The following TRMU variants were observed in gnomAD, a reference collection of about 807,000 sequenced individuals.
TRMU encodes tRNA mitochondrial 2-thiouridylase, also known as mitochondrial tRNA-specific 2-thiouridylase 1.
A neutral mutation model predicts 46.9 loss-of-function variants in TRMU; 49 were observed. The ratio of observed to expected loss-of-function variants is 1.05; its 90% CI spans 0.83 to 1.33. The LOEUF is 1.33. Ranked by LOEUF, TRMU falls within the 40% of genes most tolerant of loss-of-function variation. The pLI is 0.00. For synonymous variants in TRMU, 241 were observed against 200.9 expected, an observed-to-expected ratio of 1.20 and a Z score of -1.69; for missense variants, 572 against 532.4, an observed-to-expected ratio of 1.07 and a Z score of -0.73.
rs2078403481 is a variant in TRMU at position 46,350,964 on chromosome 22, C to T, written c.651+501C>T. ...TCCATCTTCGCCTCCATGGAGCCCGCCCGCGAGTGGGGGACACAGGCAGGA... is the reference window on the plus strand; with the variant it reads ...TCCATCTTCGCCTCCATGGAGCCCGTCCGCGAGTGGGGGACACAGGCAGGA... On this transcript the variant is annotated intron_variant, in intron 5 of 10. Coordinates refer to ENST00000645190, the MANE Select transcript of TRMU (RefSeq NM_018006.5). This position sits in a 1 kb window ranked among gnomAD's most constrained non-coding sequence, Gnocchi z 4.6. Among the ~76,000 whole-genome samples the T allele has an allele frequency of 6.6e-6, 1 of 152,226 alleles. No homozygotes were observed. Among genetic ancestry groups the T allele is most frequent in the Admixed American group, 6.5e-5 (1 of 15,286 alleles).
At position 46,335,752 on chromosome 22, in the gene TRMU, G is replaced by C; in HGVS notation, c.-13G>C. 6.5e-7 allele frequency: 1 copy of C among 1,549,548 alleles called. No homozygotes were observed. Among genetic ancestry groups the C allele is most frequent in the Non-Finnish European group, 8.7e-7 (1 of 1,150,946 alleles). On this transcript the variant is annotated 5_prime_UTR_variant, in exon 1 of 11. Coordinates refer to ENST00000645190, the MANE Select transcript of TRMU (RefSeq NM_018006.5). ...GGCGGTAGCTGCAGCTGGCGAAGTT[G>C]GGCGACTGGCGGATGCAGGCCTTGC... is the stretch of plus-strand genomic sequence containing the variant.
In TRMU at chr22:46,343,166, G is replaced by C. The variant is rs933823439; in HGVS notation, c.249-96G>C. 1.4e-5 allele frequency: 12 copies of C among 862,656 alleles called. No homozygotes were observed. The African/African-American group carries it at 2.7e-4, about 19-fold the overall frequency. The allele number at this position is 862,656 out of a possible 1,614,324, so 53.4% of individuals were successfully genotyped here. A position where few individuals can be genotyped will look rare whatever the true frequency, so the allele number is the denominator to read the frequency against. Reference sequence around the variant, plus strand: ...GAAAATTATAGTTTTGGTATGACAAGGGGAAATTACATTAAACAAGCAATT... The same window carrying C: ...GAAAATTATAGTTTTGGTATGACAACGGGAAATTACATTAAACAAGCAATT... On this transcript the variant is annotated intron_variant, in intron 2 of 10. Transcript: ENST00000645190.
Position 46,350,406 on chromosome 22 carries a change from G to A in TRMU, c.594G>A (p.Glu198=). 6.2e-7 allele frequency: 1 copy of A among 1,614,194 alleles called. No individual in the cohort carries two copies. The change falls in exon 5 of 11, where the codon GAG becomes GAA. Residue 198 remains glutamate, a synonymous_variant. Transcript: ENST00000645190. The surrounding 1 kb of genome is among the most constrained non-coding windows in gnomAD (Gnocchi z 4.6). ...TIFPLGGLTK[E]FVKKIAAENR... Reference sequence around the variant, plus strand: ...TCCCTCTGGGGGGATTAACGAAAGAGTTTGTAAAGAAAATCGCTGCTGAGA... The same window carrying A: ...TCCCTCTGGGGGGATTAACGAAAGAATTTGTAAAGAAAATCGCTGCTGAGA...
Position 46,357,173 on chromosome 22 carries a change from C to A in TRMU, c.*167C>A. 1 of 900,910 alleles carries A rather than the reference C, an allele frequency of 1.1e-6. No individual in the cohort carries two copies. Among genetic ancestry groups the A allele is most frequent in the Non-Finnish European group, 1.7e-6 (1 of 581,862 alleles). The allele number at this position is 900,910 out of a possible 1,614,324, so 55.8% of individuals were successfully genotyped here. ...GGGGCCCGGCGAGCCCCAGGAAGAG[C>A]CTCAGCTCCAGGCTGGGGCTCTGGC... On this transcript the variant is annotated 3_prime_UTR_variant, in exon 11 of 11. Transcript: ENST00000645190.
At position 46,356,865 on chromosome 22, in the gene TRMU, C is replaced by A. The variant is rs779022860; in HGVS notation, c.1125C>A (p.Asp375Glu). The A allele has an allele frequency of 6.2e-7, 1 of 1,613,382 alleles. No individual in the cohort carries two copies. The highest frequency in any genetic ancestry group is 8.5e-7 in the Non-Finnish European group (1 of 1,179,936). Residue 375 changes from aspartate (D) to glutamate (E), a missense_variant, in exon 11 of 11, where the codon GAC (aspartate) becomes GAA (glutamate). Physicochemically the swap from Asp to Glu is conservative, Grantham distance 45. Transcript: ENST00000645190. ...TGQFAVFYKG[D>E]ECLGSGKILR... ...AGTTTGCTGTGTTCTACAAGGGGGA[C>A]GAGTGCCTGGGCAGCGGGAAGATCC...
intron 9 of TRMU, 200 bp from the exon 10 acceptor site, chr22:46,355,790 G>A: frequency 9.4e-7 from 1 of 1,060,412 alleles, no homozygotes. Flanking sequence ...ATGCAGGCAG[G>A]CCCCGGCGTG....
At chr22:46,352,808 G>A (rs963403181) in intron 7 of TRMU, 5 of 283,930 alleles carry the variant, frequency 1.8e-5, no homozygotes, top group East Asian at 8.3e-5. Context: ...TGAGGCCTGC[G>A]TGAGCCTGTG....
At chr22:46,343,446 T>G in intron 3 of TRMU, 78 bp downstream of exon 3, 1 of 1,099,154 alleles carries the variant, frequency 9.1e-7, no homozygotes. Flanking sequence ...ATTGCAGTGG[T>G]GCGATCATGA....
intron 3 of TRMU, among the ~76,000 whole-genome samples, chr22:46,345,995 T>C (rs999675109): frequency 6.6e-6 from 1 of 152,150 alleles, no homozygotes; most frequent in African/African-American, 2.4e-5. Context: ...CTTGAACTCC[T>C]GAGCACAAGC....
intron 2 of TRMU, among the ~76,000 whole-genome samples, chr22:46,340,665 G>C (rs1347408120): frequency 1.6e-5 from 2 of 121,502 alleles, no homozygotes; most frequent in Non-Finnish European, 3.5e-5. Flanking sequence ...CCAGAATTAG[G>C]AGCGGAGCTG....
rs1337909419 is a variant in TRMU, at chr22:46,347,825, C to T, written c.478+1281C>T. Among the ~76,000 whole-genome samples the T allele has an allele frequency of 6.6e-6, 1 of 152,230 alleles. No individual in the cohort carries two copies. Among genetic ancestry groups the T allele is most frequent in the East Asian group, 1.9e-4 (1 of 5,198 alleles). On this transcript the variant is annotated intron_variant, in intron 4 of 10. Coordinates refer to ENST00000645190, the MANE Select transcript of TRMU (RefSeq NM_018006.5). This position sits in a 1 kb window ranked among gnomAD's most constrained non-coding sequence, Gnocchi z 5.0. ...CCAGCCCCTGCTGCTTCTGCTGGGT[C>T]AGGCCCCAGCTGAGTTCTTTCCTCA... is the stretch of plus-strand genomic sequence containing the variant.
chr22:46,355,698 A>C, intron 9 of TRMU, 110 bp downstream of exon 9: 1 of 1,553,416 alleles, frequency 6.4e-7, no homozygotes, highest in East Asian at 2.3e-5. Context: ...CGTTGTGGAG[A>C]TCATTTGGAG....
In TRMU at chr22:46,352,147, G is replaced by A. The variant is rs2078448407; in HGVS notation, c.678G>A (p.Lys226=). The A allele has an allele frequency of 1.2e-6, 2 of 1,614,006 alleles. No homozygotes were observed. The highest frequency in any genetic ancestry group is 1.7e-5 in the Admixed American group (1 of 60,030). Reference sequence around the variant, plus strand: ...GCATGGGCATGTGTTTCATCGGGAAGAGGAATTTTGAACATTTCCTTCTTC... The same window carrying A: ...GCATGGGCATGTGTTTCATCGGGAAAAGGAATTTTGAACATTTCCTTCTTC... ...KESMGMCFIG[K]RNFEHFLLQY... The change falls in exon 6 of 11, where the codon AAG becomes AAA. Residue 226 remains lysine (K), a synonymous_variant. Transcript: ENST00000645190.
At chr22:46,341,948 C>T (rs968475567) in intron 2 of TRMU, among the ~76,000 whole-genome samples, 1 of 151,904 alleles carries the variant, frequency 6.6e-6, no homozygotes, top group Non-Finnish European at 1.5e-5. Flanking sequence ...GTAGGGAAGC[C>T]TCTGACTGTG....
chr22:46,346,435 T>C lies in TRMU; in HGVS notation c.369T>C (p.Ile123=), dbSNP rs546183296. Residue 123 remains isoleucine, a synonymous_variant, in exon 4 of 11, where the codon ATT becomes ATC. Coordinates refer to ENST00000645190, the MANE Select transcript of TRMU (RefSeq NM_018006.5). The stretch of plus-strand genomic sequence containing the variant: ...AAAACCTCACAGGGGCAGATGCCAT[T>C]GCCACAGGTCACTATGCAAGAACTT... ...YAVDNLGADA[I]ATGHYARTSL... 2.5e-6 allele frequency: 4 copies of C among 1,613,190 alleles called. No homozygotes were observed. The South Asian group carries it at 4.4e-5, about 18-fold the overall frequency.
In TRMU at chr22:46,351,630, A is replaced by T; in HGVS notation, c.652-491A>T. 7.9e-6 allele frequency: 2 copies of T among 252,696 alleles called. No individual in the cohort carries two copies. Among genetic ancestry groups the T allele is most frequent in the South Asian group, 1.0e-4 (2 of 19,412 alleles). The allele number at this position is 252,696 out of a possible 1,614,324, so 15.7% of individuals were successfully genotyped here. ...TGAGAGACACAAACCAGAGTAAACGATGCAGCCCCTGATGGGGCCACGGTG... is the reference window on the plus strand; with the variant it reads ...TGAGAGACACAAACCAGAGTAAACGTTGCAGCCCCTGATGGGGCCACGGTG... On this transcript the variant is annotated intron_variant, in intron 5 of 10. Transcript: ENST00000645190. This position sits in a 1 kb window ranked among gnomAD's most constrained non-coding sequence, Gnocchi z 6.4.
Position 46,339,015 on chromosome 22 carries a change from T to C in TRMU, c.248+1071T>C, listed in dbSNP as rs2078052704. ...CAAAGACCCAGAAGAGATACTTGACTTTTCTAAGCCCCAATTTTCTCATCT... is the reference window on the plus strand; with the variant it reads ...CAAAGACCCAGAAGAGATACTTGACCTTTCTAAGCCCCAATTTTCTCATCT... On this transcript the variant is annotated intron_variant, in intron 2 of 10. Coordinates refer to ENST00000645190, the MANE Select transcript of TRMU (RefSeq NM_018006.5). The surrounding 1 kb of genome is among the most constrained non-coding windows in gnomAD (Gnocchi z 4.8). Among the ~76,000 whole-genome samples the C allele has an allele frequency of 2.0e-5, 3 of 152,304 alleles. No individual in the cohort carries two copies. In the South Asian group the frequency reaches 6.2e-4, roughly 32 times the overall value.
rs11090866 is a variant in TRMU, at chr22:46,335,874, G to C, written c.82+28G>C. 263,267 of 1,529,344 alleles carry C rather than the reference G, an allele frequency of 0.17. 30,448 individuals are homozygous for C. Among genetic ancestry groups the C allele is most frequent in the African/African-American group, 0.58 (41,635 of 71,742 alleles). The allele number at this position is 1,529,344 out of a possible 1,614,324, so 94.7% of individuals were successfully genotyped here. A position where few individuals can be genotyped will look rare whatever the true frequency, so the allele number is the denominator to read the frequency against. On this transcript the variant is annotated intron_variant, in intron 1 of 10. Transcript: ENST00000645190. ...GAGGCGTCCGAGGCTCCCGCCCCCC[G>C]CCGAGCGAATGTGTCCCCGGAAACC...
chr22:46,347,933 G>A lies in TRMU; in HGVS notation c.478+1389G>A, dbSNP rs58439746. ...GGGAGCCCTGAGTGTGCCAACAGTC[G>A]TCTGCCGCCCTCTGTTCCCTCCTCG... is the stretch of plus-strand genomic sequence containing the variant. On this transcript the variant is annotated intron_variant, in intron 4 of 10. Transcript: ENST00000645190. The surrounding 1 kb of genome is among the most constrained non-coding windows in gnomAD (Gnocchi z 5.0). Among the ~76,000 whole-genome samples, 4,849 of 152,296 alleles carry A rather than the reference G, an allele frequency of 0.032. 271 individuals are homozygous for A. Among genetic ancestry groups the A allele is most frequent in the African/African-American group, 0.11 (4,546 of 41,544 alleles).
Sources: allele counts gnomAD v4.1 joint callset (sites outside exome capture counted in the v4.1 genomes callset), GRCh38; gene constraint gnomAD v4.1.1; non-coding constraint Gnocchi (gnomAD v3.1); transcripts MANE v1.5; gene names NCBI Gene and HGNC (gene_info 2026-07-23, HGNC 2026-07-21).